Variants in ZCCHC7 observed in about 807,000 individuals in gnomAD.
The protein encoded by ZCCHC7 is zinc finger CCHC domain-containing protein 7.
Under a neutral mutation model 52.0 loss-of-function variants are expected in ZCCHC7, and 35 were observed. That is an observed-to-expected ratio of 0.67 (90% CI 0.51 to 0.89). ZCCHC7 has a LOEUF of 0.89. Ranked by LOEUF, ZCCHC7 falls within the 40% of genes least tolerant of loss-of-function variation. ZCCHC7 has a pLI of 0.00. For synonymous variants in ZCCHC7, 217 were observed against 221.5 expected (o/e 0.98, Z 0.18); for missense variants, 574 against 649.1 (o/e 0.88, Z 1.26).
chr9:37,164,578 G>A (rs530207951), intron 2 of ZCCHC7, among the ~76,000 whole-genome samples: 1 of 152,016 alleles, frequency 6.6e-6, no homozygotes, highest in South Asian at 2.1e-4. Flanking sequence ...AGAGAGAAGA[G>A]AAAGAAAAGA....
At chr9:37,208,619 T>A (rs1824047181) in intron 2 of ZCCHC7, among the ~76,000 whole-genome samples, 1 of 152,226 alleles carries the variant, frequency 6.6e-6, no homozygotes, top group East Asian at 1.9e-4. Context: ...GGTACTTACA[T>A]CTCATGTCCA....
intron 2 of ZCCHC7, among the ~76,000 whole-genome samples, chr9:37,164,298 A>T (rs1821281343): frequency 6.6e-6 from 1 of 152,074 alleles, no homozygotes; most frequent in Non-Finnish European, 1.5e-5. Context: ...TACAAAAATT[A>T]GCCAGGCATG....
chr9:37,262,503 G>T (rs1826914628), intron 2 of ZCCHC7, among the ~76,000 whole-genome samples: 1 of 152,066 alleles, frequency 6.6e-6, no homozygotes, highest in African/African-American at 2.4e-5. Flanking sequence ...TTCTTTATTA[G>T]TTGACTATGG....
At chr9:37,219,076 A>G (rs1824677475) in intron 2 of ZCCHC7, among the ~76,000 whole-genome samples, 1 of 152,150 alleles carries the variant, frequency 6.6e-6, no homozygotes, top group South Asian at 2.1e-4. Flanking sequence ...TAAAAAAGAA[A>G]AAAGATTGGG....
At chr9:37,311,001 TAAAG>T (rs1047825163) in intron 5 of ZCCHC7, among the ~76,000 whole-genome samples, 4 of 143,566 alleles carry the variant, frequency 2.8e-5, no homozygotes, top group African/African-American at 1.0e-4. Flanking sequence ...ATAAAACACA[TAAAG>T]AAAAATATTT....
At chr9:37,123,770 C>T (rs1334046493) in intron 1 of ZCCHC7, among the ~76,000 whole-genome samples, 3 of 152,114 alleles carry the variant, frequency 2.0e-5, no homozygotes, top group Non-Finnish European at 4.4e-5. Context: ...ATTAATTTAC[C>T]TATTAAATAA....
At chr9:37,180,886 A>G (rs1438466118) in intron 2 of ZCCHC7, among the ~76,000 whole-genome samples, 1 of 152,110 alleles carries the variant, frequency 6.6e-6, no homozygotes, top group East Asian at 1.9e-4. Flanking sequence ...TAATTAGTAG[A>G]TTTGGTCATT....
intron 5 of ZCCHC7, among the ~76,000 whole-genome samples, chr9:37,320,303 C>A (rs1213121846): frequency 1.3e-5 from 2 of 152,186 alleles, no homozygotes; most frequent in African/African-American, 4.8e-5. Flanking sequence ...GTCTCGAACT[C>A]CTAACCTCAG....
intron 2 of ZCCHC7, among the ~76,000 whole-genome samples, chr9:37,158,958 A>C (rs1388339535): frequency 1.3e-5 from 2 of 152,240 alleles, no homozygotes; most frequent in African/African-American, 4.8e-5. Flanking sequence ...AACAGCAGCC[A>C]ATTCCAGGAA....
chr9:37,246,420 C>T (rs541198900), intron 2 of ZCCHC7, among the ~76,000 whole-genome samples: 23 of 152,088 alleles, frequency 1.5e-4, no homozygotes, highest in Non-Finnish European at 3.2e-4. Flanking sequence ...TTAGCATCAG[C>T]GTATGATAAT....
chr9:37,282,844 G>T (rs923160599), intron 2 of ZCCHC7, among the ~76,000 whole-genome samples: 26 of 148,862 alleles, frequency 1.7e-4, no homozygotes, highest in Admixed American at 4.1e-4. Flanking sequence ...GAGTGAGGGG[G>T]TAAGAAAAGA....
intron 2 of ZCCHC7, among the ~76,000 whole-genome samples, chr9:37,130,839 A>G (rs1425191922): frequency 1.3e-5 from 2 of 152,002 alleles, no homozygotes; most frequent in South Asian, 2.1e-4. Flanking sequence ...AATTCTGGTG[A>G]TACAAGTGGT....
At chr9:37,318,412 G>A (rs895877795) in intron 5 of ZCCHC7, among the ~76,000 whole-genome samples, 4 of 151,338 alleles carry the variant, frequency 2.6e-5, no homozygotes, top group Admixed American at 6.6e-5. Context: ...AGTGAGCCGC[G>A]ATTGCACCAT....
intron 2 of ZCCHC7, among the ~76,000 whole-genome samples, chr9:37,203,791 A>G (rs1823759852): frequency 6.6e-6 from 1 of 152,218 alleles, no homozygotes; most frequent in Non-Finnish European, 1.5e-5. Context: ...TGTTTATAAC[A>G]CAGTGATTTA....
At chr9:37,186,140 A>G (rs1449724928) in intron 2 of ZCCHC7, among the ~76,000 whole-genome samples, 1 of 152,152 alleles carries the variant, frequency 6.6e-6, no homozygotes, top group Non-Finnish European at 1.5e-5. Flanking sequence ...TTAGTTTGCT[A>G]TAATTTTTTC....
Position 37,126,774 on chromosome 9 carries a change from G to A in ZCCHC7, c.442G>A (p.Val148Ile). 3 of 1,614,186 alleles carry A rather than the reference G, an allele frequency of 1.9e-6. No homozygotes were observed. The highest frequency in any genetic ancestry group is 2.5e-6 in the Non-Finnish European group (3 of 1,180,020). The change falls in exon 2 of 9, where the codon GTA becomes ATA. Residue 148 changes from valine to isoleucine, a missense_variant. Coordinates refer to ENST00000336755, the MANE Select transcript of ZCCHC7 (RefSeq NM_032226.3). ...EKPKSEERSG[V>I]IREVMIIEVS... ...GCCTAAATCTGAAGAGAGATCAGGTGTAATCCGAGAGGTCATGATTATAGA... is the reference window on the plus strand; with the variant it reads ...GCCTAAATCTGAAGAGAGATCAGGTATAATCCGAGAGGTCATGATTATAGA...
chr9:37,151,665 C>T (rs561672640), intron 2 of ZCCHC7, among the ~76,000 whole-genome samples: 3 of 152,070 alleles, frequency 2.0e-5, no homozygotes, highest in South Asian at 2.1e-4. Flanking sequence ...ATTAGCCTGA[C>T]GTGGTGGTGC....
chr9:37,234,335 G>A (rs1825544593), intron 2 of ZCCHC7, among the ~76,000 whole-genome samples: 1 of 152,206 alleles, frequency 6.6e-6, no homozygotes, highest in African/African-American at 2.4e-5. Context: ...TGTAGTAAGA[G>A]GAAAATGGCT....
At position 37,272,511 on chromosome 9, in the gene ZCCHC7, A is replaced by G. The variant is rs527812306; in HGVS notation, c.611-29677A>G. ...TGTGGTAAAAAAAAAAAAAAAAAAAAAAAGAAAGAAAGGACCTGGGCAGTA... is the reference window on the plus strand; with the variant it reads ...TGTGGTAAAAAAAAAAAAAAAAAAAGAAAGAAAGAAAGGACCTGGGCAGTA... On this transcript the variant is annotated intron_variant, in intron 2 of 8. Coordinates refer to ENST00000336755, the MANE Select transcript of ZCCHC7 (RefSeq NM_032226.3). 4.5e-3 allele frequency among the ~76,000 whole-genome samples: 683 copies of G among 150,542 alleles called. 3 individuals are homozygous for G. Among genetic ancestry groups the G allele is most frequent in the South Asian group, 6.7e-3 (32 of 4,802 alleles).
Sources: allele counts gnomAD v4.1 joint callset (sites outside exome capture counted in the v4.1 genomes callset), GRCh38; gene constraint gnomAD v4.1.1; transcripts MANE v1.5; gene names NCBI Gene and HGNC (gene_info 2026-07-23, HGNC 2026-07-21).